ITGA9: variants seen among roughly 807,000 people sequenced by gnomAD.
ITGA9 encodes the protein integrin subunit alpha 9, also known as integrin alpha-9.
Under a neutral mutation model 127.8 loss-of-function variants are expected in ITGA9, and 56 were observed. That is an observed-to-expected ratio of 0.44 (90% CI 0.35 to 0.55). The LOEUF (loss-of-function observed/expected upper bound fraction) is 0.55, where lower values mean the gene tolerates loss of function less well. ITGA9 is among the 20% of genes least tolerant of loss of function. ITGA9 has a pLI of 0.00. For missense variants in ITGA9, 1,196 were observed against 1,347.1 expected (o/e 0.89, Z 1.76); for synonymous variants, 508 against 514.5 (o/e 0.99, Z 0.17).
At chr3:37,801,950 TCTTTC>T (rs1049660843) in intron 26 of ITGA9, among the ~76,000 whole-genome samples, 2 of 152,206 alleles carry the variant, frequency 1.3e-5, no homozygotes, top group Admixed American at 1.3e-4. Flanking sequence ...GGTCTCATTT[TCTTTC>T]CTTATCACCA....
rs1212927461 is a variant in ITGA9 at position 37,452,165 on chromosome 3, G to T, written c.-210G>T. On this transcript the variant is annotated 5_prime_UTR_variant, in exon 1 of 28. Coordinates refer to ENST00000264741, the MANE Select transcript of ITGA9 (RefSeq NM_002207.3). This position sits in a 1 kb window ranked among gnomAD's most constrained non-coding sequence, Gnocchi z 7.3. ...CAGACTTCTCGGGCGGACTGAGGAC[G>T]CCGCCGCTCGGGGCCGCCCCTGTGC... The T allele has an allele frequency of 4.6e-5, 7 of 152,776 alleles. No homozygotes were observed. The highest frequency in any genetic ancestry group is 8.5e-5 in the Non-Finnish European group (6 of 70,688). 9.5% of individuals were successfully genotyped at this position (152,776 alleles called of 1,614,324 possible). A position where few individuals can be genotyped will look rare whatever the true frequency, so the allele number is the denominator to read the frequency against.
At chr3:37,486,508 C>T (rs1698611679) in intron 4 of ITGA9, among the ~76,000 whole-genome samples, 1 of 152,164 alleles carries the variant, frequency 6.6e-6, no homozygotes, top group Admixed American at 6.5e-5. Context: ...GAATGCTGCT[C>T]ATTGCCTTCA....
chr3:37,662,776 G>A (rs1700550678), intron 17 of ITGA9, among the ~76,000 whole-genome samples: 2 of 152,202 alleles, frequency 1.3e-5, no homozygotes, highest in South Asian at 2.1e-4. Context: ...CTCACTGTAC[G>A]AAAAGTCGAA....
chr3:37,810,423 C>CTT (rs560251485), intron 27 of ITGA9, among the ~76,000 whole-genome samples: 18 of 144,280 alleles, frequency 1.2e-4, no homozygotes, highest in African/African-American at 4.5e-4. Context: ...TAGTCTGTTT[C>CTT]TTTTTTTTTT....
intron 1 of ITGA9, among the ~76,000 whole-genome samples, chr3:37,453,888 G>T (rs187282451): frequency 6.6e-6 from 1 of 152,244 alleles, no homozygotes; most frequent in East Asian, 1.9e-4. Flanking sequence ...CATAGCTCTC[G>T]CCCAGCTCCA....
chr3:37,656,180 T>C (rs1242659178), intron 17 of ITGA9, among the ~76,000 whole-genome samples: 2 of 152,254 alleles, frequency 1.3e-5, no homozygotes, highest in African/African-American at 4.8e-5. Context: ...ATAGGGATTC[T>C]TTTTTGGTTC....
Position 37,819,704 on chromosome 3 carries a change from A to G in ITGA9, c.*715A>G, listed in dbSNP as rs895016342. 2 of 152,454 alleles carry G rather than the reference A, an allele frequency of 1.3e-5. No homozygotes were observed. The highest frequency in any genetic ancestry group is 2.9e-5 in the Non-Finnish European group (2 of 68,238). The allele number at this position is 152,454 out of a possible 1,614,324, so 9.4% of individuals were successfully genotyped here. A position where few individuals can be genotyped will look rare whatever the true frequency, so the allele number is the denominator to read the frequency against. ...AGATTCCCAACAAGAATTTGGATGG[A>G]AAACCTGATCCCTAGCAAGAAGTCT... On this transcript the variant is annotated 3_prime_UTR_variant, in exon 28 of 28. Coordinates refer to ENST00000264741, the MANE Select transcript of ITGA9 (RefSeq NM_002207.3).
At chr3:37,609,418 C>T (rs917048898) in intron 15 of ITGA9, among the ~76,000 whole-genome samples, 1 of 152,206 alleles carries the variant, frequency 6.6e-6, no homozygotes, top group Non-Finnish European at 1.5e-5. Flanking sequence ...CTGCCCTGCT[C>T]AGAGTACAAT....
intron 9 of ITGA9, among the ~76,000 whole-genome samples, chr3:37,514,665 G>A (rs1362032622): frequency 6.6e-6 from 1 of 152,192 alleles, no homozygotes; most frequent in African/African-American, 2.4e-5. Context: ...TGCCTCCTGG[G>A]TTCAAACTCT....
chr3:37,464,582 C>T (rs1215242211), intron 1 of ITGA9, among the ~76,000 whole-genome samples: 1 of 152,230 alleles, frequency 6.6e-6, no homozygotes, highest in East Asian at 1.9e-4. Context: ...GTTTAAGACA[C>T]TTGTCTAAGA....
At chr3:37,807,251 T>C (rs1355297514) in intron 27 of ITGA9, 2 of 152,168 alleles carry the variant, frequency 1.3e-5, no homozygotes, top group Non-Finnish European at 2.9e-5. Flanking sequence ...ACCTCCAGTT[T>C]GGTATGTAGA....
chr3:37,536,556 T>G lies in ITGA9; in HGVS notation c.1528+3088T>G, dbSNP rs574538463. Among the ~76,000 whole-genome samples, 13 of 152,354 alleles carry G rather than the reference T, an allele frequency of 8.5e-5. No individual in the cohort carries two copies. In the East Asian group the frequency reaches 2.5e-3, roughly 29 times the overall value. ...TGATGTTAGTCTTGTGCCTTTGGTT[T>G]CTTCTTCTCTACCTGGCAGGGTTCA... On this transcript the variant is annotated intron_variant, in intron 14 of 27. Transcript: ENST00000264741.
In ITGA9 at chr3:37,629,444, C is replaced by T. The variant is rs1221093504; in HGVS notation, c.1839+108C>T. 8.5e-7 allele frequency: 1 copy of T among 1,172,660 alleles called. No individual in the cohort carries two copies. Among genetic ancestry groups the T allele is most frequent in the East Asian group, 2.5e-5 (1 of 39,766 alleles). The allele number at this position is 1,172,660 out of a possible 1,614,324, so 72.6% of individuals were successfully genotyped here. On this transcript the variant is annotated intron_variant, in intron 16 of 27. Coordinates refer to ENST00000264741, the MANE Select transcript of ITGA9 (RefSeq NM_002207.3). The surrounding 1 kb of genome is among the most constrained non-coding windows in gnomAD (Gnocchi z 4.5). ...GTGGGCCTGGCTGCTCAGGAGACCG[C>T]AGCCAGGACACACCTCCTCTCTGGG...
At chr3:37,575,213 A>G (rs531291537) in intron 15 of ITGA9, among the ~76,000 whole-genome samples, 1 of 152,108 alleles carries the variant, frequency 6.6e-6, no homozygotes, top group Admixed American at 6.5e-5. Flanking sequence ...AGCAGATTCT[A>G]GATTGTCCTG....
chr3:37,714,901 G>A (rs538080919), intron 18 of ITGA9, among the ~76,000 whole-genome samples: 1 of 152,184 alleles, frequency 6.6e-6, no homozygotes, highest in African/African-American at 2.4e-5. Flanking sequence ...CATCTGTGAG[G>A]CAGCATGGGA....
At chr3:37,757,552 G>A (rs567301860) in intron 23 of ITGA9, among the ~76,000 whole-genome samples, 7 of 151,716 alleles carry the variant, frequency 4.6e-5, no homozygotes, top group Non-Finnish European at 7.4e-5. Context: ...TTGGGAGGCT[G>A]AGGTGGGAGG....
chr3:37,608,196 A>G (rs1256954461), intron 15 of ITGA9, among the ~76,000 whole-genome samples: 1 of 152,184 alleles, frequency 6.6e-6, no homozygotes, highest in African/African-American at 2.4e-5. Flanking sequence ...GGTCACATTT[A>G]CCTTGGTTAG....
At chr3:37,774,524 A>G (rs1455018987) in intron 23 of ITGA9, among the ~76,000 whole-genome samples, 3 of 139,056 alleles carry the variant, frequency 2.2e-5, no homozygotes, top group Admixed American at 1.4e-4. Flanking sequence ...GCAAAACTCT[A>G]TCTCTACCAA....
chr3:37,507,685 A>C (rs997481772), intron 7 of ITGA9, among the ~76,000 whole-genome samples: 1 of 152,144 alleles, frequency 6.6e-6, no homozygotes, highest in African/African-American at 2.4e-5. Flanking sequence ...CATAGTGACA[A>C]AGTTGCTGAC....
Sources: gnomAD v4.1 joint callset for allele counts (sites outside exome capture counted in the v4.1 genomes callset) on GRCh38, gnomAD v4.1.1 for gene constraint, Gnocchi (gnomAD v3.1) non-coding constraint, MANE v1.5 for transcripts, NCBI Gene and HGNC (gene_info 2026-07-23, HGNC 2026-07-21) for gene names.